ABCC1: variants seen among roughly 807,000 people sequenced by gnomAD.
ABCC1 encodes the protein ATP binding cassette subfamily C member 1 (ABCC1 blood group), also known as multidrug resistance-associated protein 1.
In ABCC1, 83 loss-of-function variants were observed where a neutral mutation model predicts 172.9. The observed-to-expected ratio is 0.48, with a 90% CI of 0.40 to 0.58. The LOEUF is 0.58. Among genes scored for constraint, ABCC1 ranks in the 20% least tolerant of loss-of-function variants. The pLI, the probability that ABCC1 is intolerant of heterozygous loss-of-function variation, is 0.00. For missense variants in ABCC1, 1,817 were observed against 2,002.7 expected, an observed-to-expected ratio of 0.91 and a Z score of 1.77; for synonymous variants, 937 against 825.2, an observed-to-expected ratio of 1.14 and a Z score of -2.32.
intron 5 of ABCC1, among the ~76,000 whole-genome samples, chr16:16,030,126 T>C (rs895059778): frequency 1.3e-5 from 2 of 152,310 alleles, no homozygotes; most frequent in African/African-American, 2.4e-5. Context: ...GTGGAGAAAA[T>C]ACTTGTTTCT....
chr16:16,118,303 T>C (rs2044988170), intron 23 of ABCC1, among the ~76,000 whole-genome samples: 1 of 152,112 alleles, frequency 6.6e-6, no homozygotes, highest in Non-Finnish European at 1.5e-5. Flanking sequence ...GGTTCAATCA[T>C]GTGGCCCCTG....
chr16:16,122,469 C>T (rs542593387), intron 24 of ABCC1, among the ~76,000 whole-genome samples: 52 of 148,784 alleles, frequency 3.5e-4, no homozygotes, highest in African/African-American at 1.1e-3. Context: ...AGACTGCCAG[C>T]GACCGACTCT....
At chr16:15,999,235 A>G (rs534720589) in intron 1 of ABCC1, among the ~76,000 whole-genome samples, 32 of 152,058 alleles carry the variant, frequency 2.1e-4, no homozygotes, top group East Asian at 1.4e-3. Context: ...TCCATCTCCT[A>G]ACCTCATGAT....
intron 19 of ABCC1, chr16:16,094,413 A>AAT: frequency 5.0e-6 from 1 of 200,002 alleles, no homozygotes; most frequent in Non-Finnish European, 1.0e-5. Context: ...ATAATGTCAG[A>AAT]ATGGTACATG....
At chr16:16,132,718 T>C (rs1032470463) in intron 27 of ABCC1, among the ~76,000 whole-genome samples, 1 of 151,130 alleles carries the variant, frequency 6.6e-6, no homozygotes, top group African/African-American at 2.4e-5. Flanking sequence ...GATGGGGTTT[T>C]GCCATGTTGG....
chr16:15,990,555 G>A (rs1244172045), intron 1 of ABCC1, among the ~76,000 whole-genome samples: 2 of 152,078 alleles, frequency 1.3e-5, no homozygotes, highest in African/African-American at 4.8e-5. Context: ...TGTCACATGT[G>A]AGTGAGATCT....
At chr16:16,039,865 G>T (rs2048905210) in intron 7 of ABCC1, among the ~76,000 whole-genome samples, 4 of 152,106 alleles carry the variant, frequency 2.6e-5, no homozygotes, top group Admixed American at 2.6e-4. Flanking sequence ...AGGCTCTGAG[G>T]ACACTCGTGG....
At chr16:15,972,707 T>C (rs2046396424) in intron 1 of ABCC1, among the ~76,000 whole-genome samples, 1 of 151,970 alleles carries the variant, frequency 6.6e-6, no homozygotes, top group East Asian at 1.9e-4. Flanking sequence ...TTTGGTTTTA[T>C]GCTTCTCTAG....
chr16:16,058,174 T>C (rs1282968090), intron 12 of ABCC1, among the ~76,000 whole-genome samples: 13 of 152,258 alleles, frequency 8.5e-5, no homozygotes, highest in Admixed American at 5.9e-4. Context: ...ATTTGCAAAG[T>C]TGGCCGCAAA....
intron 6 of ABCC1, among the ~76,000 whole-genome samples, chr16:16,036,263 A>G (rs1483108559): frequency 2.0e-5 from 3 of 150,876 alleles, no homozygotes; most frequent in Admixed American, 2.0e-4. Flanking sequence ...TGCATGACCC[A>G]ACAGAATGAG....
intron 1 of ABCC1, among the ~76,000 whole-genome samples, chr16:15,965,749 A>T (rs1038217325): frequency 1.3e-5 from 2 of 151,824 alleles, no homozygotes; most frequent in African/African-American, 2.4e-5. Context: ...CATGTGTACC[A>T]TGATGCCTGA....
At chr16:16,031,095 C>T (rs1309377481) in intron 5 of ABCC1, among the ~76,000 whole-genome samples, 3 of 152,136 alleles carry the variant, frequency 2.0e-5, no homozygotes, top group Non-Finnish European at 4.4e-5. Context: ...GTGATCTGCC[C>T]GCCTTGGCCT....
At position 16,014,571 on chromosome 16, in the gene ABCC1, A is replaced by G. The variant is rs752117473; in HGVS notation, c.432A>G (p.Val144=). 1.9e-6 allele frequency: 3 copies of G among 1,614,122 alleles called. No individual in the cohort carries two copies. The highest frequency in any genetic ancestry group is 2.5e-6 in the Non-Finnish European group (3 of 1,180,018). Residue 144 remains valine, a synonymous_variant, in exon 4 of 31, where the codon GTA becomes GTG. Transcript: ENST00000399410. ...SSGIMLTFWL[V]ALVCALAILR... is the part of the protein sequence containing the mutation. ...GGATCATGCTCACTTTCTGGCTGGTAGCCCTAGTGTGTGCCCTAGCCATCC... is the reference window on the plus strand; with the variant it reads ...GGATCATGCTCACTTTCTGGCTGGTGGCCCTAGTGTGTGCCCTAGCCATCC...
intron 12 of ABCC1, among the ~76,000 whole-genome samples, chr16:16,062,373 G>T (rs1260576283): frequency 1.3e-5 from 2 of 151,988 alleles, no homozygotes; most frequent in Admixed American, 6.6e-5. Flanking sequence ...AAGAGACAGG[G>T]TCTTGTTTTG....
intron 1 of ABCC1, among the ~76,000 whole-genome samples, chr16:15,950,049 T>A (rs1295151291): frequency 6.6e-6 from 1 of 151,146 alleles, no homozygotes; most frequent in Non-Finnish European, 1.5e-5. Context: ...TTTTGGAGGG[T>A]CGGGTCGGGT....
In ABCC1 at chr16:16,052,665, T is replaced by C; in HGVS notation, c.1381-59T>C. ...TGGGATGGATCAACCGGGGAAGCTG[T>C]TACGGGCCCTGTTTTCTTCTGTCTG... On this transcript the variant is annotated intron_variant, in intron 10 of 30. Coordinates refer to ENST00000399410, the MANE Select transcript of ABCC1 (RefSeq NM_004996.4). 3.9e-6 allele frequency: 6 copies of C among 1,555,370 alleles called. No homozygotes were observed. In the South Asian group the frequency reaches 6.7e-5, roughly 17 times the overall value.
intron 21 of ABCC1, among the ~76,000 whole-genome samples, chr16:16,110,648 C>G (rs182340884): frequency 6.6e-6 from 1 of 152,310 alleles, no homozygotes; most frequent in East Asian, 1.9e-4. Context: ...CTCGGCCTAC[C>G]GACGTGCTGG....
At chr16:16,013,270 G>GTTTTTTTTTTTTTTTTTTTT (rs35420214) in intron 3 of ABCC1, among the ~76,000 whole-genome samples, 1 of 145,798 alleles carries the variant, frequency 6.9e-6, no homozygotes. Context: ...GCCAGCACAT[G>GTTTTTTTTTTTTTTTTTTTT]TTTTTTTTTT....
chr16:15,981,689 A>G (rs1008575948), intron 1 of ABCC1, among the ~76,000 whole-genome samples: 2 of 152,250 alleles, frequency 1.3e-5, no homozygotes, highest in East Asian at 3.9e-4. Context: ...GGCTACTGCA[A>G]AGGTCTCTGA....
Sources: allele counts gnomAD v4.1 joint callset (sites outside exome capture counted in the v4.1 genomes callset), GRCh38; gene constraint gnomAD v4.1.1; transcripts MANE v1.5; gene names NCBI Gene and HGNC (gene_info 2026-07-23, HGNC 2026-07-21).